The following SLIT3 variants were observed in gnomAD, a reference collection of about 807,000 sequenced individuals.
SLIT3 encodes slit guidance ligand 3.
SLIT3 carries 68 observed loss-of-function variants against 184.0 expected under a neutral mutation model. The observed-to-expected ratio is 0.37, with a 90% CI of 0.30 to 0.45. SLIT3 has a LOEUF of 0.45. Ranked by LOEUF, SLIT3 falls within the 20% of genes least tolerant of loss-of-function variation. The pLI is 1.00. For synonymous variants in SLIT3, 831 were observed against 828.6 expected (o/e 1.00, Z -0.05); for missense variants, 1,707 against 2,026.0 (o/e 0.84, Z 3.02).
intron 4 of SLIT3, among the ~76,000 whole-genome samples, chr5:168,987,506 T>C (rs898994926): frequency 1.3e-5 from 2 of 152,230 alleles, no homozygotes; most frequent in African/African-American, 4.8e-5. Context: ...TCCTCATCTG[T>C]AAAATGGTGA....
In SLIT3 at chr5:168,734,789, T is replaced by C. The variant is rs531906473; in HGVS notation, c.2271-10305A>G. ...CATGTCTGCTTGGCTCACCACAGCATTCTCGCACTCTGCCTGGCAACAGCA... is the reference window on the plus strand; with the variant it reads ...CATGTCTGCTTGGCTCACCACAGCACTCTCGCACTCTGCCTGGCAACAGCA... On this transcript the variant is annotated intron_variant, in intron 20 of 35. Transcript: ENST00000519560. Among the ~76,000 whole-genome samples the C allele has an allele frequency of 2.0e-5, 3 of 152,254 alleles. No homozygotes were observed. In the East Asian group the frequency reaches 5.8e-4, roughly 29 times the overall value.
rs188775622 is a variant in SLIT3, at chr5:168,796,495, C to T, written c.936-917G>A. Among the ~76,000 whole-genome samples, 361 of 152,256 alleles carry T rather than the reference C, an allele frequency of 2.4e-3. 8 individuals carry two copies. In the South Asian group the frequency reaches 0.027, roughly 11 times the overall value. On this transcript the variant is annotated intron_variant, in intron 9 of 35. Coordinates refer to ENST00000519560, the MANE Select transcript of SLIT3 (RefSeq NM_003062.4). ...TCAGGATCTCATCCTCATCCATCTC[C>T]CTTCTCTCCGAGGTGCAGGTCTTTT...
chr5:168,777,796 TC>T (rs1755815077), intron 12 of SLIT3, among the ~76,000 whole-genome samples: 1 of 152,132 alleles, frequency 6.6e-6, no homozygotes, highest in Non-Finnish European at 1.5e-5. Context: ...GCCTCACTGG[TC>T]CCCAGCATCA....
intron 4 of SLIT3, among the ~76,000 whole-genome samples, chr5:169,000,907 CTT>C (rs1003431116): frequency 5.9e-5 from 9 of 152,146 alleles, no homozygotes; most frequent in South Asian, 2.1e-4. Context: ...TCTCAAATAA[CTT>C]TTCCTGCCAA....
At chr5:169,092,809 G>A (rs1201678346) in intron 4 of SLIT3, among the ~76,000 whole-genome samples, 2 of 152,116 alleles carry the variant, frequency 1.3e-5, no homozygotes, top group African/African-American at 4.8e-5. Context: ...TCCCTGTCCT[G>A]AGCCCAATTC....
intron 4 of SLIT3, among the ~76,000 whole-genome samples, chr5:169,031,488 G>A (rs1184334138): frequency 6.6e-6 from 1 of 152,134 alleles, no homozygotes; most frequent in Non-Finnish European, 1.5e-5. Context: ...GCAAGGAGTG[G>A]GGTCTCACCC....
intron 4 of SLIT3, among the ~76,000 whole-genome samples, chr5:169,126,339 A>AATT (rs1761079043): frequency 6.6e-6 from 1 of 152,220 alleles, no homozygotes; most frequent in Non-Finnish European, 1.5e-5. Context: ...AGGAAGAGGG[A>AATT]AAGGAGAAAG....
chr5:168,801,010 C>T (rs977046384), intron 9 of SLIT3, among the ~76,000 whole-genome samples: 1 of 152,148 alleles, frequency 6.6e-6, no homozygotes, highest in African/African-American at 2.4e-5. Context: ...GGTATGATGA[C>T]CCCCTTTAGG....
chr5:169,254,273 T>C (rs1253245185), intron 1 of SLIT3, among the ~76,000 whole-genome samples: 1 of 152,098 alleles, frequency 6.6e-6, no homozygotes, highest in East Asian at 1.9e-4. Flanking sequence ...AGGCTGCCTG[T>C]CCCAAGGCCA....
intron 4 of SLIT3, among the ~76,000 whole-genome samples, chr5:169,045,899 A>G (rs533995074): frequency 1.8e-3 from 273 of 152,334 alleles, no homozygotes; most frequent in Non-Finnish European, 3.3e-3. Context: ...TTTAGTGAGC[A>G]CTTAGACGCA....
chr5:168,712,750 G>A (rs1035629790), intron 23 of SLIT3: 47 of 171,620 alleles, frequency 2.7e-4, no homozygotes, highest in African/African-American at 8.3e-4. Context: ...GCTTAAGACC[G>A]GAAGTTCTGG....
chr5:168,870,028 A>C lies in SLIT3; in HGVS notation c.485+13237T>G, dbSNP rs79738696. 8.0e-3 allele frequency among the ~76,000 whole-genome samples: 1,216 copies of C among 152,366 alleles called. 21 individuals carry two copies. Among genetic ancestry groups the C allele is most frequent in the African/African-American group, 0.028 (1,164 of 41,592 alleles). On this transcript the variant is annotated intron_variant, in intron 5 of 35. Transcript: ENST00000519560. ...GCTCCGTGCCGGCACGGCAGGCGCT[A>C]TGCATATGGATGTGTCAGTTCTGAT...
chr5:169,190,150 G>T (rs957648234), intron 4 of SLIT3, among the ~76,000 whole-genome samples: 1 of 152,128 alleles, frequency 6.6e-6, no homozygotes, highest in Non-Finnish European at 1.5e-5. Context: ...TGGGACATGG[G>T]CATATATGAC....
intron 4 of SLIT3, among the ~76,000 whole-genome samples, chr5:168,965,225 A>T (rs1763145487): frequency 6.6e-6 from 1 of 152,226 alleles, no homozygotes; most frequent in Non-Finnish European, 1.5e-5. Context: ...ATAAATATCT[A>T]TTGGAAGAAA....
intron 4 of SLIT3, among the ~76,000 whole-genome samples, chr5:168,905,302 G>A (rs1761011311): frequency 2.0e-5 from 3 of 152,198 alleles, no homozygotes; most frequent in Non-Finnish European, 2.9e-5. Context: ...CTGATTGGGT[G>A]CAAATGTACC....
At chr5:168,759,661 G>A (rs1050882859) in intron 16 of SLIT3, among the ~76,000 whole-genome samples, 1 of 152,162 alleles carries the variant, frequency 6.6e-6, no homozygotes, top group African/African-American at 2.4e-5. Flanking sequence ...TGAGAACGTG[G>A]GTGTGGGTGA....
intron 4 of SLIT3, among the ~76,000 whole-genome samples, chr5:168,891,943 A>C (rs1186514223): frequency 6.6e-6 from 1 of 152,172 alleles, no homozygotes; most frequent in Non-Finnish European, 1.5e-5. Context: ...AACAAAATCA[A>C]AACCAAATAA....
intron 4 of SLIT3, among the ~76,000 whole-genome samples, chr5:168,893,720 G>A (rs1372787529): frequency 6.6e-6 from 1 of 152,186 alleles, no homozygotes; most frequent in Non-Finnish European, 1.5e-5. Context: ...TTGTGAGTGA[G>A]GGGGAGGTGG....
Position 168,671,317 on chromosome 5 carries a change from G to C in SLIT3, c.4008C>G (p.Thr1336=), listed in dbSNP as rs1028061417. The C allele has an allele frequency of 1.4e-5, 22 of 1,613,950 alleles. No individual in the cohort carries two copies. Among genetic ancestry groups the C allele is most frequent in the Non-Finnish European group, 1.9e-5 (22 of 1,179,980 alleles). The change falls in exon 34 of 36, where the codon ACC becomes ACG. Residue 1336 remains threonine, a synonymous_variant. Coordinates refer to ENST00000519560, the MANE Select transcript of SLIT3 (RefSeq NM_003062.4). ...AGCGGCACAGGCCGTGCTTGCACACGGTGCAGGACTTGCAGCCTGGTGACA... is the reference window on the plus strand; with the variant it reads ...AGCGGCACAGGCCGTGCTTGCACACCGTGCAGGACTTGCAGCCTGGTGACA... ...LGVSPGCKSC[T]VCKHGLCRSV... is the part of the protein sequence containing the mutation.
Sources: gnomAD v4.1 joint callset for allele counts (sites outside exome capture counted in the v4.1 genomes callset) on GRCh38, gnomAD v4.1.1 for gene constraint, MANE v1.5 for transcripts, NCBI Gene and HGNC (gene_info 2026-07-23, HGNC 2026-07-21) for gene names.